RPSA2: variants seen among roughly 807,000 people sequenced by gnomAD.
RPSA2 encodes the protein small ribosomal subunit protein uS2B.
At chr19:23,835,403 AAAAT>A in the RPSA2 span, among the ~76,000 whole-genome samples, 1 of 152,242 alleles carries the variant, frequency 6.6e-6, no homozygotes, top group Non-Finnish European at 1.5e-5. Flanking sequence ...ATATTAGAAC[AAAAT>A]AAATCATTTT....
chr19:23,773,955 T>G, the RPSA2 span, among the ~76,000 whole-genome samples: 5 of 152,186 alleles, frequency 3.3e-5, 1 homozygote, highest in African/African-American at 1.2e-4. Context: ...TGCACCTTCC[T>G]GCAGGTTTAA....
the RPSA2 span, among the ~76,000 whole-genome samples, chr19:23,787,127 ACTCTT>A: frequency 2.6e-5 from 4 of 151,368 alleles, no homozygotes; most frequent in African/African-American, 7.3e-5. Context: ...AGCTTATGTG[ACTCTT>A]CTCTTCTTTT....
the RPSA2 span, among the ~76,000 whole-genome samples, chr19:23,860,834 C>T: frequency 6.6e-6 from 1 of 152,050 alleles, no homozygotes; most frequent in Non-Finnish European, 1.5e-5. Context: ...AGTCCTTATC[C>T]ACAAATAGAA....
the RPSA2 span, among the ~76,000 whole-genome samples, chr19:23,821,158 T>C: frequency 0.022 from 3,329 of 152,304 alleles, 129 homozygotes; most frequent in African/African-American, 0.076. Context: ...CTCTGATCGA[T>C]TAATGTTATA....
chr19:23,820,841 C>T, the RPSA2 span, among the ~76,000 whole-genome samples: 10 of 152,134 alleles, frequency 6.6e-5, no homozygotes, highest in African/African-American at 2.4e-4. Context: ...ACTGAGCTTC[C>T]ACCACCAAGT....
the RPSA2 span, among the ~76,000 whole-genome samples, chr19:23,867,252 C>T: frequency 6.6e-6 from 1 of 152,142 alleles, no homozygotes; most frequent in Non-Finnish European, 1.5e-5. Flanking sequence ...CTCCACATCC[C>T]TAGTGGGAGT....
At chr19:23,832,016 CTAATAA>C in the RPSA2 span, 1 of 426,558 alleles carries the variant, frequency 2.3e-6, no homozygotes, top group Admixed American at 2.8e-5. Context: ...TCAATCCTTA[CTAATAA>C]TAAGAAAATT....
At chr19:23,832,927 A>T in the RPSA2 span, 4 of 1,526,764 alleles carry the variant, frequency 2.6e-6, no homozygotes, top group Non-Finnish European at 3.5e-6. Context: ...CCTGTCTTCA[A>T]GCTTTACTAA....
At chr19:23,844,434 C>G in the RPSA2 span, among the ~76,000 whole-genome samples, 2 of 151,954 alleles carry the variant, frequency 1.3e-5, no homozygotes, top group African/African-American at 4.8e-5. Context: ...AATTGTAGTT[C>G]TATTTTTAGT....
chr19:23,838,346 G>T, the RPSA2 span, among the ~76,000 whole-genome samples: 1 of 152,010 alleles, frequency 6.6e-6, no homozygotes, highest in Non-Finnish European at 1.5e-5. Context: ...CTAATATTTT[G>T]TTAAGGATTT....
chr19:23,790,125 A>C, the RPSA2 span, among the ~76,000 whole-genome samples: 1 of 151,836 alleles, frequency 6.6e-6, no homozygotes. Flanking sequence ...CAGTCTCCTG[A>C]GTAGCTGGGA....
At chr19:23,862,941 G>C in the RPSA2 span, among the ~76,000 whole-genome samples, 73,734 of 146,770 alleles carry the variant, frequency 0.5, 18,812 homozygotes, top group South Asian at 0.62. Context: ...GTTTTGCTCT[G>C]TTGTCAGGCT....
At chr19:23,817,750 A>C in the RPSA2 span, 1 of 152,206 alleles carries the variant, frequency 6.6e-6, no homozygotes, top group Non-Finnish European at 1.5e-5. Flanking sequence ...GCAGGCTCAC[A>C]GAAGCAGAAC....
At chr19:23,822,640 T>TGGG in the RPSA2 span, among the ~76,000 whole-genome samples, 4 of 152,064 alleles carry the variant, frequency 2.6e-5, no homozygotes, top group South Asian at 8.3e-4. Context: ...AAAGCTCTGG[T>TGGG]GTGGGTAAAT....
the RPSA2 span, among the ~76,000 whole-genome samples, chr19:23,797,803 C>T: frequency 6.6e-6 from 1 of 152,096 alleles, no homozygotes; most frequent in Non-Finnish European, 1.5e-5. Flanking sequence ...CTTTTTCTTC[C>T]GTAAACATTC....
At chr19:23,761,906 T>TCTCTCTCTCTCTCTCTC in the RPSA2 span, among the ~76,000 whole-genome samples, 343 of 92,102 alleles carry the variant, frequency 3.7e-3, 74 homozygotes, top group Middle Eastern at 0.023. Context: ...ACGTAATTCT[T>TCTCTCTCTCTCTCTCTC]TCTTTCTTTC....
At chr19:23,825,102 C>A in the RPSA2 span, among the ~76,000 whole-genome samples, 5 of 152,080 alleles carry the variant, frequency 3.3e-5, no homozygotes, top group African/African-American at 1.2e-4. Flanking sequence ...GCCTCAGCAT[C>A]CTGAGTAGCT....
chr19:23,846,948 A>G, the RPSA2 span, among the ~76,000 whole-genome samples: 1,032 of 152,300 alleles, frequency 6.8e-3, 14 homozygotes, highest in African/African-American at 0.023. Flanking sequence ...TTTCTTAAAT[A>G]GGTTTTCTAA....
At chr19:23,779,814 C>G in the RPSA2 span, among the ~76,000 whole-genome samples, 1 of 152,210 alleles carries the variant, frequency 6.6e-6, no homozygotes, top group Non-Finnish European at 1.5e-5. Context: ...TTGTGACATA[C>G]TTCAGGCCCC....
Sources: gnomAD v4.1 joint callset for allele counts (sites outside exome capture counted in the v4.1 genomes callset) on GRCh38, gnomAD v4.1.1 for gene constraint, MANE v1.5 for transcripts, NCBI Gene and HGNC (gene_info 2026-07-23, HGNC 2026-07-21) for gene names.